Variants in LARGE1 observed in about 807,000 individuals in gnomAD.
LARGE1 encodes xylosyl- and glucuronyltransferase LARGE1.
In LARGE1, 43 loss-of-function variants were observed where a neutral mutation model predicts 87.6. The observed-to-expected ratio is 0.49, with a 90% CI of 0.38 to 0.63. The LOEUF (loss-of-function observed/expected upper bound fraction) is 0.63, where lower values mean the gene tolerates loss of function less well. Ranked by LOEUF, LARGE1 falls within the 30% of genes least tolerant of loss-of-function variation. The pLI is 0.00. For synonymous variants in LARGE1, 434 were observed against 394.6 expected (o/e 1.10, Z -1.18); for missense variants, 802 against 1,000.2 (o/e 0.80, Z 2.67).
At chr22:33,797,989 T>A (rs187382337) in intron 1 of LARGE1, among the ~76,000 whole-genome samples, 2 of 152,138 alleles carry the variant, frequency 1.3e-5, no homozygotes, top group Admixed American at 6.5e-5. Flanking sequence ...TACCTAGACA[T>A]TGGCCGGGTG....
At chr22:33,634,960 A>G (rs1262783655) in intron 3 of LARGE1, among the ~76,000 whole-genome samples, 1 of 152,030 alleles carries the variant, frequency 6.6e-6, no homozygotes, top group Non-Finnish European at 1.5e-5. Flanking sequence ...ACTAAAAAAA[A>G]TACAAAAATT....
rs1478509301 is a variant in LARGE1 at position 33,382,170 on chromosome 22, GGC to G, written c.1006-128_1006-127del. ...GAACCTCCTGCTCTGAACACAGGCT[GGC>G]TCGCACTGTGAGGCATCTCTCTTGC... On this transcript the variant is annotated intron_variant, in intron 8 of 14. Transcript: ENST00000397394. 3.2e-6 allele frequency: 4 copies of G among 1,231,252 alleles called. No individual in the cohort carries two copies. The East Asian group carries it at 9.7e-5, about 30-fold the overall frequency. 76.3% of individuals were successfully genotyped at this position (1,231,252 alleles called of 1,614,324 possible).
chr22:33,240,070 C>A (rs1352969119), intron 11 of LARGE1, among the ~76,000 whole-genome samples: 1 of 152,138 alleles, frequency 6.6e-6, no homozygotes, highest in African/African-American at 2.4e-5. Context: ...TAAGAAACTG[C>A]CAAACCTTTA....
intron 5 of LARGE1, among the ~76,000 whole-genome samples, chr22:33,570,132 G>C (rs2078152548): frequency 6.6e-6 from 1 of 152,134 alleles, no homozygotes; most frequent in South Asian, 2.1e-4. Flanking sequence ...TTGAGTCTTA[G>C]TTTTCTCATC....
chr22:33,441,180 T>C (rs2067462336), intron 6 of LARGE1, among the ~76,000 whole-genome samples: 2 of 150,190 alleles, frequency 1.3e-5, no homozygotes, highest in South Asian at 4.2e-4. Context: ...TTCAAGCGAT[T>C]CTCCTGTCTC....
chr22:33,430,034 C>A (rs968932082), intron 7 of LARGE1, among the ~76,000 whole-genome samples: 1 of 152,210 alleles, frequency 6.6e-6, no homozygotes, highest in Non-Finnish European at 1.5e-5. Context: ...CCTGCACAGA[C>A]CTAGTCAATC....
chr22:33,173,391 C>T (rs1922685005), intron 11 of LARGE1, among the ~76,000 whole-genome samples: 1 of 152,086 alleles, frequency 6.6e-6, no homozygotes. Context: ...CCAGCCACTG[C>T]AAAAACAGAC....
chr22:33,115,131 C>T, the LARGE1 span, among the ~76,000 whole-genome samples: 1 of 152,114 alleles, frequency 6.6e-6, no homozygotes, highest in East Asian at 1.9e-4. Context: ...CTAAATTGTG[C>T]CTCTCACCCA....
At chr22:33,591,074 G>A (rs1265270461) in intron 5 of LARGE1, among the ~76,000 whole-genome samples, 2 of 152,134 alleles carry the variant, frequency 1.3e-5, no homozygotes, top group Admixed American at 1.3e-4. Flanking sequence ...GGTGGTGGGT[G>A]CCTGTAATTC....
the LARGE1 span, among the ~76,000 whole-genome samples, chr22:33,122,895 G>A: frequency 6.6e-6 from 1 of 152,184 alleles, no homozygotes; most frequent in East Asian, 1.9e-4. Flanking sequence ...TTTGATTTGA[G>A]GGGCTGATAC....
At chr22:33,714,685 T>G (rs2082858953) in intron 2 of LARGE1, among the ~76,000 whole-genome samples, 1 of 152,222 alleles carries the variant, frequency 6.6e-6, no homozygotes. Flanking sequence ...CAACTTGTTC[T>G]CACTCAGGCC....
At chr22:33,852,766 G>C (rs556926807) in intron 1 of LARGE1, among the ~76,000 whole-genome samples, 1 of 146,914 alleles carries the variant, frequency 6.8e-6, no homozygotes, top group South Asian at 2.2e-4. Flanking sequence ...TGAGGCAGGA[G>C]AATTGCTTGA....
At chr22:33,853,359 T>C (rs1214134235) in intron 1 of LARGE1, among the ~76,000 whole-genome samples, 1 of 152,188 alleles carries the variant, frequency 6.6e-6, no homozygotes, top group Non-Finnish European at 1.5e-5. Context: ...AGGTTTACAA[T>C]ACCTGTGTGT....
At chr22:33,403,567 C>A (rs1367752862) in intron 7 of LARGE1, among the ~76,000 whole-genome samples, 1 of 152,036 alleles carries the variant, frequency 6.6e-6, no homozygotes, top group Non-Finnish European at 1.5e-5. Context: ...TAGTCTGCTA[C>A]TTGTTTTCGG....
rs369362489 is a variant in LARGE1 at position 33,801,786 on chromosome 22, C to T, written c.-82-40228G>A. ...TTAAAATCCAAGATCAGAAGAGGTA[C>T]CTGGACAAATTACCTGATACCCCCC... On this transcript the variant is annotated intron_variant, in intron 1 of 14. Coordinates refer to ENST00000397394, the MANE Select transcript of LARGE1 (RefSeq NM_133642.5). 2.6e-5 allele frequency among the ~76,000 whole-genome samples: 4 copies of T among 152,042 alleles called. No individual in the cohort carries two copies. The East Asian group carries it at 7.7e-4, about 29-fold the overall frequency.
intron 6 of LARGE1, among the ~76,000 whole-genome samples, chr22:33,542,446 G>A (rs2077239792): frequency 6.6e-6 from 1 of 151,856 alleles, no homozygotes; most frequent in African/African-American, 2.4e-5. Context: ...TCCCCTTGGT[G>A]ACTTCAGGGT....
At chr22:33,259,155 GGC>G (rs1927481668) in intron 11 of LARGE1, among the ~76,000 whole-genome samples, 1 of 152,178 alleles carries the variant, frequency 6.6e-6, no homozygotes, top group Non-Finnish European at 1.5e-5. Flanking sequence ...TGGGATTACA[GGC>G]ATGAGCCACT....
chr22:33,538,151 T>C (rs919389600), intron 6 of LARGE1, among the ~76,000 whole-genome samples: 1 of 152,156 alleles, frequency 6.6e-6, no homozygotes, highest in African/African-American at 2.4e-5. Context: ...TCCCTGCTAT[T>C]TGGACCCTCA....
At chr22:33,663,473 G>A (rs1229930064) in intron 2 of LARGE1, among the ~76,000 whole-genome samples, 5 of 152,170 alleles carry the variant, frequency 3.3e-5, no homozygotes, top group African/African-American at 9.6e-5. Context: ...TGAGAGGAAT[G>A]ATGCGCTTGA....
Sources: gnomAD v4.1 joint callset for allele counts (sites outside exome capture counted in the v4.1 genomes callset) on GRCh38, gnomAD v4.1.1 for gene constraint, MANE v1.5 for transcripts, NCBI Gene and HGNC (gene_info 2026-07-23, HGNC 2026-07-21) for gene names.